VPS13C: variants seen among roughly 807,000 people sequenced by gnomAD.
VPS13C encodes the protein intermembrane lipid transfer protein VPS13C.
Under a neutral mutation model 456.8 loss-of-function variants are expected in VPS13C, and 358 were observed. The ratio of observed to expected loss-of-function variants is 0.78; its 90% confidence interval spans 0.72 to 0.86. The LOEUF is 0.86. Ranked by LOEUF, VPS13C falls within the 40% of genes least tolerant of loss-of-function variation. VPS13C has a pLI of 0.00. For missense variants in VPS13C, 4,818 were observed against 4,385.4 expected (o/e 1.10, Z -2.79); for synonymous variants, 1,578 against 1,486.7 (o/e 1.06, Z -1.41).
intron 3 of VPS13C, among the ~76,000 whole-genome samples, chr15:62,040,570 G>C (rs990092951): frequency 2.0e-5 from 3 of 152,004 alleles, no homozygotes; most frequent in South Asian, 4.2e-4. Context: ...GATTGAAGGA[G>C]GGGGGTGGAG....
intron 1 of VPS13C, among the ~76,000 whole-genome samples, chr15:62,059,404 T>C (rs1465487160): frequency 6.6e-6 from 1 of 152,226 alleles, no homozygotes; most frequent in Non-Finnish European, 1.5e-5. Flanking sequence ...CCAAACCTTT[T>C]GTGGAGTGAG....
chr15:61,981,922 T>C (rs1178100220), intron 21 of VPS13C, among the ~76,000 whole-genome samples: 1 of 152,104 alleles, frequency 6.6e-6, no homozygotes, highest in Non-Finnish European at 1.5e-5. Flanking sequence ...GGAGTATTAC[T>C]TTTTCTCACA....
intron 67 of VPS13C, among the ~76,000 whole-genome samples, chr15:61,885,815 G>A (rs1203343969): frequency 6.6e-6 from 1 of 152,026 alleles, no homozygotes; most frequent in Non-Finnish European, 1.5e-5. Context: ...TCGCTGGTTT[G>A]AAAATATTCT....
Position 62,014,901 on chromosome 15 carries a change from T to A in VPS13C, c.685-909A>T, listed in dbSNP as rs568697934. 3.9e-5 allele frequency among the ~76,000 whole-genome samples: 6 copies of A among 152,260 alleles called. No individual in the cohort carries two copies. In the East Asian group the frequency reaches 7.7e-4, roughly 20 times the overall value. On this transcript the variant is annotated intron_variant, in intron 9 of 84. Coordinates refer to ENST00000644861, the MANE Select transcript of VPS13C (RefSeq NM_020821.3). ...AAAAGAATGAGAAAGAAAGGTCATA[T>A]ATTACTTAAGTATTAAAACTTGAGT...
intron 1 of VPS13C, among the ~76,000 whole-genome samples, chr15:62,045,318 T>C (rs2048364863): frequency 1.3e-5 from 2 of 152,122 alleles, no homozygotes; most frequent in Admixed American, 6.5e-5. Flanking sequence ...ACCAACCTAA[T>C]AATTTTCTAA....
In VPS13C at chr15:61,919,402, C is replaced by T; in HGVS notation, c.7525G>A (p.Gly2509Arg). The T allele has an allele frequency of 6.3e-7, 1 of 1,597,918 alleles. No homozygotes were observed. Among genetic ancestry groups the T allele is most frequent in the Non-Finnish European group, 8.5e-7 (1 of 1,173,404 alleles). ...EVANIPVARP[G>R]RRLYNVRNPN... is the part of the protein sequence containing the mutation. ...TTCCGTACATTATACAATCGCCGTCCAGGTCTGGCCACAGGGATATTTGCA... is the reference window on the plus strand; with the variant it reads ...TTCCGTACATTATACAATCGCCGTCTAGGTCTGGCCACAGGGATATTTGCA... Residue 2509 changes from glycine to arginine, a missense_variant, in exon 58 of 85, where the codon GGA (glycine) becomes AGA (arginine). By Grantham distance (125) the Gly-to-Arg change is moderately radical. Around this residue, in one of 3 missense-constraint regions of VPS13C, gnomAD observed 4,552 missense variants for 4,130.6 expected, o/e 1.10. Transcript: ENST00000644861.
At chr15:61,987,212 T>TAA (rs34766963) in intron 18 of VPS13C, among the ~76,000 whole-genome samples, 1,751 of 138,868 alleles carry the variant, frequency 0.013, 33 homozygotes, top group East Asian at 0.069. Context: ...AAAACACTCT[T>TAA]AAAAAAAAAA....
chr15:61,896,907 G>A (rs2042838658), intron 66 of VPS13C, among the ~76,000 whole-genome samples: 1 of 152,230 alleles, frequency 6.6e-6, no homozygotes, highest in Admixed American at 6.5e-5. Flanking sequence ...GGAGATCTGA[G>A]AAGGGGCAGA....
chr15:61,893,933 A>G (rs1207113572), intron 66 of VPS13C, among the ~76,000 whole-genome samples: 1 of 152,114 alleles, frequency 6.6e-6, no homozygotes, highest in African/African-American at 2.4e-5. Flanking sequence ...CAATGAACTA[A>G]AAACATACTG....
chr15:61,972,376 C>T (rs2045579736), intron 27 of VPS13C, among the ~76,000 whole-genome samples: 1 of 152,056 alleles, frequency 6.6e-6, no homozygotes, highest in South Asian at 2.1e-4. Flanking sequence ...TAAGCTCTTC[C>T]AGAATAAATT....
At position 62,028,383 on chromosome 15, in the gene VPS13C, G is replaced by C; in HGVS notation, c.423C>G (p.Asn141Lys). 6.2e-7 allele frequency: 1 copy of C among 1,612,900 alleles called. No individual in the cohort carries two copies. Among genetic ancestry groups the C allele is most frequent in the South Asian group, 1.1e-5 (1 of 91,034 alleles). Reference protein sequence around the residue: ...HSGEFIYGLENFVYKDIKPGR... With the variant: ...HSGEFIYGLEKFVYKDIKPGR... ...CAGGCTTGATGTCCTTGTAAACAAA[G>C]TTCTCCAAGCCATATATGAACTCCC... The change falls in exon 6 of 85, where the codon AAC becomes AAG. Residue 141 changes from asparagine (N) to lysine (K), a missense_variant. By Grantham distance (94) the Asn-to-Lys change is moderately conservative (BLOSUM62 0). Transcript: ENST00000644861.
At position 62,034,977 on chromosome 15, in the gene VPS13C, A is replaced by G; in HGVS notation, c.263T>C (p.Leu88Pro). The G allele has an allele frequency of 6.3e-7, 1 of 1,591,650 alleles. No individual in the cohort carries two copies. The highest frequency in any genetic ancestry group is 8.6e-7 in the Non-Finnish European group (1 of 1,167,936). The change falls in exon 4 of 85, where the codon CTG (leucine) becomes CCG (proline). Residue 88 changes from leucine to proline, a missense_variant. Physicochemically the swap from Leu to Pro is moderately conservative, Grantham distance 98. Around this residue, in one of 3 missense-constraint regions of VPS13C, gnomAD observed 4,552 missense variants for 4,130.6 expected, o/e 1.10. Coordinates refer to ENST00000644861, the MANE Select transcript of VPS13C (RefSeq NM_020821.3). ...AVVATLEGLYLLVVPGASIKY... is the reference protein window; with the variant it reads ...AVVATLEGLYPLVVPGASIKY... ...CATACTTGCTCCAGGGACAACAAGCAGGTATAATCCTTCCAGGGTCGCAAC... is the reference window on the plus strand; with the variant it reads ...CATACTTGCTCCAGGGACAACAAGCGGGTATAATCCTTCCAGGGTCGCAAC...
chr15:61,902,454 A>G (rs1314359154), intron 66 of VPS13C, among the ~76,000 whole-genome samples: 1 of 152,098 alleles, frequency 6.6e-6, no homozygotes, highest in Non-Finnish European at 1.5e-5. Flanking sequence ...ATCCTCAACA[A>G]AATACCAGCA....
At chr15:61,966,912 C>G (rs538356728) in intron 29 of VPS13C, among the ~76,000 whole-genome samples, 1 of 152,092 alleles carries the variant, frequency 6.6e-6, no homozygotes, top group East Asian at 1.9e-4. Flanking sequence ...ACTGATTAAA[C>G]AAATCGATTC....
At chr15:61,862,228 A>T (rs761638160) in intron 82 of VPS13C, among the ~76,000 whole-genome samples, 2 of 152,162 alleles carry the variant, frequency 1.3e-5, no homozygotes, top group Non-Finnish European at 2.9e-5. Context: ...CTACTAAGTA[A>T]GGTTAGCAAG....
At chr15:62,048,383 T>C (rs1473800274) in intron 1 of VPS13C, among the ~76,000 whole-genome samples, 1 of 151,390 alleles carries the variant, frequency 6.6e-6, no homozygotes, top group Admixed American at 6.6e-5. Context: ...GATAGTTTAC[T>C]GAGAATGATG....
chr15:61,882,042 T>C (rs1340078637), intron 69 of VPS13C, among the ~76,000 whole-genome samples: 1 of 152,158 alleles, frequency 6.6e-6, no homozygotes, highest in Non-Finnish European at 1.5e-5. Flanking sequence ...ACTCTCATAA[T>C]TGTATTAACA....
In VPS13C at chr15:62,008,724, T is replaced by C. The variant is rs763762662; in HGVS notation, c.1049A>G (p.Tyr350Cys). The part of the protein sequence containing the change: ...SMIDLLESVD[Y>C]MVRNAPYRKY... ...CCTATAAGGCGCATTCCTAACCATA[T>C]AATCCACTGACTCCAAAAGGTCAAT... is the stretch of plus-strand genomic sequence containing the variant. Residue 350 changes from tyrosine to cysteine, a missense_variant, in exon 14 of 85, where the codon TAT becomes TGT. By Grantham distance (194) the Tyr-to-Cys change is radical. This residue lies in a region of VPS13C where 4,552 missense variants were observed against 4,130.6 expected (regional missense o/e 1.10). Coordinates refer to ENST00000644861, the MANE Select transcript of VPS13C (RefSeq NM_020821.3). The C allele has an allele frequency of 1.2e-6, 2 of 1,606,724 alleles. No individual in the cohort carries two copies. Among genetic ancestry groups the C allele is most frequent in the Non-Finnish European group, 1.7e-6 (2 of 1,176,228 alleles).
At position 61,852,681 on chromosome 15, in the gene VPS13C, G is replaced by T. The variant is rs925781287; in HGVS notation, c.*1776C>A. On this transcript the variant is annotated 3_prime_UTR_variant, in exon 85 of 85. Coordinates refer to ENST00000644861, the MANE Select transcript of VPS13C (RefSeq NM_020821.3). The stretch of plus-strand genomic sequence containing the variant: ...CTAGAACAGTTGCTATGAAATTACT[G>T]ATAATGATCCCTTTAATAAACTGCA... 1 of 152,222 alleles carries T rather than the reference G, an allele frequency of 6.6e-6. No homozygotes were observed. The highest frequency in any genetic ancestry group is 2.4e-5 in the African/African-American group (1 of 41,546). The allele number at this position is 152,222 out of a possible 1,614,324, so 9.4% of individuals were successfully genotyped here.
Sources: allele counts gnomAD v4.1 joint callset (sites outside exome capture counted in the v4.1 genomes callset), GRCh38; gene constraint gnomAD v4.1.1; regional missense constraint gnomAD v4.1.1; transcripts MANE v1.5; gene names NCBI Gene and HGNC (gene_info 2026-07-23, HGNC 2026-07-21).